EVC: variants seen among roughly 807,000 people sequenced by gnomAD.
EVC encodes evC complex member EVC.
Under a neutral mutation model 118.9 loss-of-function variants are expected in EVC, and 116 were observed. The ratio of observed to expected loss-of-function variants is 0.98; its 90% CI spans 0.84 to 1.14. The LOEUF (loss-of-function observed/expected upper bound fraction) is 1.14. EVC is among the 50% of genes most tolerant of loss of function. The pLI is 0.00. For missense variants in EVC, 1,401 were observed against 1,246.4 expected (o/e 1.12, Z -1.87); for synonymous variants, 619 against 534.7 (o/e 1.16, Z -2.18).
At chr4:5,726,532 A>G (rs1479133167) in intron 2 of EVC, among the ~76,000 whole-genome samples, 1 of 150,298 alleles carries the variant, frequency 6.7e-6, no homozygotes, top group Non-Finnish European at 1.5e-5. Context: ...TTGTGCCACT[A>G]TGCAAAGCAG....
Position 5,741,727 on chromosome 4 carries a change from G to A in EVC, c.714G>A (p.Gln238=), listed in dbSNP as rs1195994043. 1 of 1,563,620 alleles carries A rather than the reference G, an allele frequency of 6.4e-7. No homozygotes were observed. Among genetic ancestry groups the A allele is most frequent in the African/African-American group, 1.3e-5 (1 of 74,084 alleles). Residue 238 remains glutamine (Q), a synonymous_variant, in exon 6 of 21, where the codon CAG becomes CAA. Coordinates refer to ENST00000264956, the MANE Select transcript of EVC (RefSeq NM_153717.3). ...LRQEKHMMFI[Q]IFKMCLLDLL... The stretch of plus-strand genomic sequence containing the variant: ...TTTCTTGGCAATAGATGTTTATTCA[G>A]ATTTTTAAAATGTGCCTCCTTGACC...
At chr4:5,733,459 C>G (rs185642528) in intron 5 of EVC, 24 bp downstream of exon 5, 1 of 1,596,856 alleles carries the variant, frequency 6.3e-7, no homozygotes, top group African/African-American at 1.3e-5. Flanking sequence ...TTCGCATTCC[C>G]TCCTTTTCAT....
At chr4:5,773,845 A>G (rs890630318) in intron 11 of EVC, among the ~76,000 whole-genome samples, 7 of 152,222 alleles carry the variant, frequency 4.6e-5, no homozygotes, top group African/African-American at 1.7e-4. Flanking sequence ...ACTGGAGCAC[A>G]CTTTACTCTG....
chr4:5,772,098 G>A (rs528799676), intron 11 of EVC, among the ~76,000 whole-genome samples: 38 of 152,014 alleles, frequency 2.5e-4, no homozygotes, highest in Non-Finnish European at 4.4e-4. Context: ...AGGTTTCACC[G>A]TGTTAGCCAG....
chr4:5,784,291 G>A (rs1416264996), intron 12 of EVC, among the ~76,000 whole-genome samples: 1 of 152,174 alleles, frequency 6.6e-6, no homozygotes, highest in African/African-American at 2.4e-5. Flanking sequence ...GTAATTGCAA[G>A]GGTTCTTACA....
rs376241761 is a variant in EVC at position 5,802,046 on chromosome 4, A to G, written c.2401A>G (p.Met801Val). The G allele has an allele frequency of 8.1e-6, 13 of 1,614,146 alleles. No homozygotes were observed. The highest frequency in any genetic ancestry group is 1.1e-5 in the Non-Finnish European group (13 of 1,180,054). The stretch of plus-strand genomic sequence containing the variant: ...GTATTACCAGCAAATCGGAAGGATC[A>G]TGGAGGACCACGAGGAGAGAAAACT... ...QAYYQQIGRI[M>V]EDHEERKLQH... is the part of the protein sequence containing the mutation. The change falls in exon 16 of 21, where the codon ATG becomes GTG. Residue 801 changes from methionine to valine, a missense_variant. Transcript: ENST00000264956.
At chr4:5,800,728 A>T (rs1714815090) in intron 15 of EVC, among the ~76,000 whole-genome samples, 1 of 152,120 alleles carries the variant, frequency 6.6e-6, no homozygotes, top group African/African-American at 2.4e-5. Flanking sequence ...CCCTTTGCAG[A>T]TGGGGCAGAG....
intron 12 of EVC, among the ~76,000 whole-genome samples, chr4:5,784,099 C>T (rs184856330): frequency 6.6e-6 from 1 of 152,200 alleles, no homozygotes; most frequent in East Asian, 1.9e-4. Context: ...GTGGGAGAAG[C>T]GGCACACAGG....
chr4:5,745,828 C>A (rs1457399720), intron 7 of EVC, among the ~76,000 whole-genome samples: 1 of 152,160 alleles, frequency 6.6e-6, no homozygotes, highest in Non-Finnish European at 1.5e-5. Context: ...GTGCTGGGCA[C>A]TGGGGACTCA....
chr4:5,739,976 A>G (rs1333821580), intron 5 of EVC, among the ~76,000 whole-genome samples: 1 of 152,066 alleles, frequency 6.6e-6, no homozygotes, highest in Non-Finnish European at 1.5e-5. Flanking sequence ...ACCATATTAT[A>G]TCTAAATGAC....
chr4:5,741,914 C>A (rs1728650726), intron 6 of EVC, 100 bp downstream of exon 6: 3 of 615,750 alleles, frequency 4.9e-6, no homozygotes, highest in Non-Finnish European at 5.8e-6. Flanking sequence ...TATAAAATAG[C>A]TTATTACAAT....
chr4:5,782,992 A>T (rs1205147258), intron 11 of EVC, among the ~76,000 whole-genome samples: 2 of 151,994 alleles, frequency 1.3e-5, no homozygotes, highest in Non-Finnish European at 2.9e-5. Flanking sequence ...AGGAGAGCAG[A>T]TGTGAAGGTT....
chr4:5,761,072 G>A (rs1270943028), intron 11 of EVC, among the ~76,000 whole-genome samples: 1 of 152,156 alleles, frequency 6.6e-6, no homozygotes, highest in African/African-American at 2.4e-5. Flanking sequence ...AGAGCTGGCT[G>A]CGCCCTCCTG....
intron 2 of EVC, among the ~76,000 whole-genome samples, chr4:5,726,313 T>C (rs1725802973): frequency 6.6e-6 from 1 of 152,246 alleles, no homozygotes; most frequent in Admixed American, 6.5e-5. Flanking sequence ...TGGGCTTGCC[T>C]GTCTGCTTAT....
Position 5,731,804 on chromosome 4 carries a change from G to A in EVC, c.617+147G>A, listed in dbSNP as rs1007838428. 2.5e-6 allele frequency: 2 copies of A among 815,372 alleles called. No homozygotes were observed. Among genetic ancestry groups the A allele is most frequent in the Non-Finnish European group, 4.1e-6 (2 of 489,764 alleles). The allele number at this position is 815,372 out of a possible 1,614,324, so 50.5% of individuals were successfully genotyped here. On this transcript the variant is annotated intron_variant, in intron 4 of 20. Coordinates refer to ENST00000264956, the MANE Select transcript of EVC (RefSeq NM_153717.3). This position sits in a 1 kb window ranked among gnomAD's most constrained non-coding sequence, Gnocchi z 5.6. ...ACAGCGACCCAGCGTCACCATCGGA[G>A]CCCCAGAGGCCTTTGTCACTTCCTG...
intron 6 of EVC, among the ~76,000 whole-genome samples, chr4:5,744,968 GTTT>G (rs112283154): frequency 4.9e-4 from 69 of 139,900 alleles, no homozygotes; most frequent in African/African-American, 1.2e-3. Flanking sequence ...GTATGGTCTA[GTTT>G]TTTTTTTTTT....
At chr4:5,733,473 G>A (rs760158352) in intron 5 of EVC, 38 bp downstream of exon 5, 2 of 1,550,096 alleles carry the variant, frequency 1.3e-6, no homozygotes. Context: ...TTTTCATGGG[G>A]ACAGGAGCTG....
At chr4:5,828,555 C>T in the EVC span, 19 of 1,614,230 alleles carry the variant, frequency 1.2e-5, no homozygotes, top group South Asian at 1.8e-4. Context: ...TGAAGCGGCC[C>T]ATGCCCTTGT....
intron 12 of EVC, among the ~76,000 whole-genome samples, chr4:5,791,785 A>G (rs953691603): frequency 5.3e-5 from 8 of 151,948 alleles, no homozygotes; most frequent in South Asian, 2.1e-4. Context: ...CCACCCTGCC[A>G]CCATACCTGA....
Sources: allele counts gnomAD v4.1 joint callset (sites outside exome capture counted in the v4.1 genomes callset), GRCh38; gene constraint gnomAD v4.1.1; non-coding constraint Gnocchi (gnomAD v3.1); transcripts MANE v1.5; gene names NCBI Gene and HGNC (gene_info 2026-07-23, HGNC 2026-07-21).